PALM2AKAP2: variants seen among roughly 807,000 people sequenced by gnomAD.
PALM2AKAP2 encodes PALM2 and AKAP2 fusion, also known as PALM2-AKAP2 fusion protein.
PALM2AKAP2 carries 37 observed loss-of-function variants against 71.5 expected under a neutral mutation model. That is an observed-to-expected ratio of 0.52 (90% CI 0.40 to 0.68). The LOEUF (loss-of-function observed/expected upper bound fraction) is 0.68, where lower values mean the gene tolerates loss of function less well. Among genes scored for constraint, PALM2AKAP2 ranks in the 30% least tolerant of loss-of-function variants. The pLI, the probability that PALM2AKAP2 is intolerant of heterozygous loss-of-function variation, is 0.00. For missense variants in PALM2AKAP2, 1,224 were observed against 1,191.8 expected (o/e 1.03, Z -0.40); for synonymous variants, 468 against 478.8 (o/e 0.98, Z 0.29).
At chr9:109,982,920 G>C (rs922676262) in intron 6 of PALM2AKAP2, among the ~76,000 whole-genome samples, 1 of 152,178 alleles carries the variant, frequency 6.6e-6, no homozygotes, top group Non-Finnish European at 1.5e-5. Context: ...CACTGCACCT[G>C]GTCTTTAGTC....
At chr9:109,747,752 C>T (rs529882729) in intron 1 of PALM2AKAP2, among the ~76,000 whole-genome samples, 1 of 152,250 alleles carries the variant, frequency 6.6e-6, no homozygotes, top group Non-Finnish European at 1.5e-5. Context: ...TCACTGCAAC[C>T]TCCACATCCC....
intron 3 of PALM2AKAP2, among the ~76,000 whole-genome samples, chr9:109,900,865 G>T (rs1981036): frequency 0.15 from 23,329 of 152,172 alleles, 2,242 homozygotes; most frequent in East Asian, 0.25. Flanking sequence ...AGAACATTCT[G>T]GTCTGCACCC....
intron 2 of PALM2AKAP2, among the ~76,000 whole-genome samples, 165 bp from the exon 3 acceptor site, chr9:109,880,386 G>C (rs1193922733): frequency 6.6e-6 from 1 of 152,116 alleles, no homozygotes; most frequent in Non-Finnish European, 1.5e-5. Context: ...ATCTCCTTGG[G>C]TGTTGATCTA....
chr9:109,829,357 C>T (rs1587940063), intron 1 of PALM2AKAP2, among the ~76,000 whole-genome samples: 1 of 152,022 alleles, frequency 6.6e-6, no homozygotes, highest in Admixed American at 6.6e-5. Flanking sequence ...TTATTATTTC[C>T]TCTCCTGCTT....
chr9:109,725,866 T>C (rs983221553), intron 1 of PALM2AKAP2, among the ~76,000 whole-genome samples: 6 of 152,138 alleles, frequency 3.9e-5, no homozygotes, highest in African/African-American at 7.2e-5. Flanking sequence ...CTTCACACAG[T>C]CTCTCATCGT....
At chr9:110,105,405 A>G (rs1262815095) in intron 1 of PALM2AKAP2, among the ~76,000 whole-genome samples, 1 of 152,248 alleles carries the variant, frequency 6.6e-6, no homozygotes, top group African/African-American at 2.4e-5. Flanking sequence ...AATTAACTTC[A>G]GTGAACTTGA....
intron 6 of PALM2AKAP2, among the ~76,000 whole-genome samples, chr9:110,012,967 G>T (rs1335156670): frequency 2.0e-5 from 3 of 152,172 alleles, no homozygotes; most frequent in Non-Finnish European, 4.4e-5. Context: ...TTATAATTTT[G>T]GTTATAGATT....
intron 1 of PALM2AKAP2, among the ~76,000 whole-genome samples, chr9:109,697,752 C>A (rs186580146): frequency 1.6e-4 from 24 of 152,254 alleles, no homozygotes; most frequent in Non-Finnish European, 3.5e-4. Context: ...CTCTGCAATT[C>A]TGTTAATTTT....
At chr9:109,725,923 C>T (rs932819749) in intron 1 of PALM2AKAP2, among the ~76,000 whole-genome samples, 13 of 152,186 alleles carry the variant, frequency 8.5e-5, no homozygotes, top group African/African-American at 2.7e-4. Context: ...TGCTAACATA[C>T]CCTCTTACAA....
intron 1 of PALM2AKAP2, among the ~76,000 whole-genome samples, chr9:109,843,236 G>T (rs1035084267): frequency 1.4e-5 from 2 of 144,112 alleles, no homozygotes; most frequent in Non-Finnish European, 3.0e-5. Flanking sequence ...CAGGACTTTG[G>T]TGCTGCAGTG....
At chr9:109,738,539 G>A (rs1828672508) in intron 1 of PALM2AKAP2, among the ~76,000 whole-genome samples, 1 of 152,168 alleles carries the variant, frequency 6.6e-6, no homozygotes, top group African/African-American at 2.4e-5. Flanking sequence ...CACTAGCAAT[G>A]GATGATTGAA....
intron 6 of PALM2AKAP2, among the ~76,000 whole-genome samples, chr9:109,986,192 T>G (rs1832375337): frequency 6.6e-6 from 1 of 152,218 alleles, no homozygotes; most frequent in African/African-American, 2.4e-5. Flanking sequence ...CTGAATGACA[T>G]AGAGCTGCGT....
chr9:109,682,649 A>AT (rs953601060), intron 1 of PALM2AKAP2, among the ~76,000 whole-genome samples: 28 of 152,178 alleles, frequency 1.8e-4, no homozygotes, highest in South Asian at 4.2e-4. Flanking sequence ...TTGACCTTTT[A>AT]TTTTTTTGGA....
chr9:109,932,052 G>A (rs201066314), intron 6 of PALM2AKAP2, 24 bp downstream of exon 6: 32 of 1,600,158 alleles, frequency 2.0e-5, no homozygotes, highest in Non-Finnish European at 1.7e-5. Flanking sequence ...ACCTTTGGAC[G>A]CTAGGATGGT....
Position 109,649,501 on chromosome 9 carries a change from A to G in PALM2AKAP2, c.5+8635A>G, listed in dbSNP as rs568458515. Among the ~76,000 whole-genome samples, 71 of 152,324 alleles carry G rather than the reference A, an allele frequency of 4.7e-4. No individual in the cohort carries two copies. The South Asian group carries it at 8.1e-3, about 17-fold the overall frequency. ...TTGGCTAGCACATTTTGCACTTTTT[A>G]AAATAAAGAGTTCATGTATCCAATT... On this transcript the variant is annotated intron_variant, in intron 1 of 6. Transcript: ENST00000374531.
intron 3 of PALM2AKAP2, among the ~76,000 whole-genome samples, chr9:110,162,699 C>A (rs929062193): frequency 1.3e-5 from 2 of 152,088 alleles, no homozygotes; most frequent in Non-Finnish European, 2.9e-5. Context: ...GCCTTGATTT[C>A]TCCAAAAGCC....
At chr9:110,045,375 A>G (rs1009549859), upstream of PALM2AKAP2, among the ~76,000 whole-genome samples, 1 of 152,190 alleles carries the variant, frequency 6.6e-6, no homozygotes, top group African/African-American at 2.4e-5. Flanking sequence ...AATAATCATT[A>G]TTATGTTAAC....
intron 1 of PALM2AKAP2, among the ~76,000 whole-genome samples, chr9:110,066,478 C>T (rs1564287109): frequency 6.6e-6 from 1 of 152,170 alleles, no homozygotes; most frequent in Non-Finnish European, 1.5e-5. Context: ...AGGAGGATTA[C>T]TTGAACCCAG....
chr9:110,125,768 TTCTC>T (rs113303899), intron 1 of PALM2AKAP2, among the ~76,000 whole-genome samples: 73 of 148,434 alleles, frequency 4.9e-4, no homozygotes, highest in African/African-American at 1.1e-3. Context: ...GGTGTCTTGC[TTCTC>T]TCTCTCTTTT....
Sources: gnomAD v4.1 joint callset for allele counts (sites outside exome capture counted in the v4.1 genomes callset) on GRCh38, gnomAD v4.1.1 for gene constraint, MANE v1.5 for transcripts, NCBI Gene and HGNC (gene_info 2026-07-23, HGNC 2026-07-21) for gene names.